FHIP2A: variants seen among roughly 807,000 people sequenced by gnomAD.
The protein encoded by FHIP2A is FHF complex subunit HOOK interacting protein 2A.
In FHIP2A, 46 loss-of-function variants were observed where a neutral mutation model predicts 93.5. The observed-to-expected ratio is 0.49, with a 90% CI of 0.39 to 0.63. FHIP2A has a LOEUF of 0.63. Ranked by LOEUF, FHIP2A falls within the 20% of genes least tolerant of loss-of-function variation. The pLI, the probability that FHIP2A is intolerant of heterozygous loss-of-function variation, is 0.00. For synonymous variants in FHIP2A, 332 were observed against 326.5 expected, an observed-to-expected ratio of 1.02 and a Z score of -0.18; for missense variants, 769 against 909.7, an observed-to-expected ratio of 0.85 and a Z score of 1.99.
At chr10:114,834,474 T>C (rs563401236) in intron 3 of FHIP2A, among the ~76,000 whole-genome samples, 13 of 152,336 alleles carry the variant, frequency 8.5e-5, no homozygotes, top group African/African-American at 2.6e-4. Context: ...AAGTATTTGC[T>C]AGCTTAAAAA....
At chr10:114,876,739 C>T (rs776149640) in intron 16 of FHIP2A, among the ~76,000 whole-genome samples, 2 of 152,126 alleles carry the variant, frequency 1.3e-5, no homozygotes, top group Non-Finnish European at 2.9e-5. Flanking sequence ...GCTCCTGGGG[C>T]CAGGGCTCAG....
intron 13 of FHIP2A, among the ~76,000 whole-genome samples, chr10:114,850,975 A>G (rs1323215527): frequency 2.0e-5 from 3 of 152,150 alleles, no homozygotes; most frequent in Non-Finnish European, 2.9e-5. Context: ...ATGCAGTGGC[A>G]TGATCTCGGC....
intron 14 of FHIP2A, among the ~76,000 whole-genome samples, chr10:114,859,572 A>G (rs1240883555): frequency 6.6e-6 from 1 of 152,184 alleles, no homozygotes; most frequent in African/African-American, 2.4e-5. Flanking sequence ...TGTTGCAACC[A>G]ATCCGTTTCC....
At chr10:114,896,421 G>C (rs2084001840) in intron 16 of FHIP2A, among the ~76,000 whole-genome samples, 1 of 152,122 alleles carries the variant, frequency 6.6e-6, no homozygotes, top group Non-Finnish European at 1.5e-5. Flanking sequence ...CAGGACTGTG[G>C]TCATGTGAAA....
chr10:114,895,948 C>G (rs534108454), intron 16 of FHIP2A, among the ~76,000 whole-genome samples: 1 of 152,290 alleles, frequency 6.6e-6, no homozygotes, highest in African/African-American at 2.4e-5. Flanking sequence ...TCTCATTACT[C>G]AGCCCCAAAT....
chr10:114,894,697 A>G (rs1434159401), intron 16 of FHIP2A, among the ~76,000 whole-genome samples: 16 of 152,322 alleles, frequency 1.1e-4, no homozygotes, highest in Non-Finnish European at 4.4e-5. Flanking sequence ...TTCAAAGCTT[A>G]TTATTAGTGG....
At chr10:114,882,326 C>T (rs1215219337) in intron 16 of FHIP2A, among the ~76,000 whole-genome samples, 2 of 152,292 alleles carry the variant, frequency 1.3e-5, no homozygotes, top group Admixed American at 6.5e-5. Flanking sequence ...ATGTGTGCTA[C>T]GCTCTGTGCC....
chr10:114,882,558 G>C (rs957832349), intron 16 of FHIP2A, among the ~76,000 whole-genome samples: 9 of 152,274 alleles, frequency 5.9e-5, no homozygotes, highest in Non-Finnish European at 1.2e-4. Context: ...GGGCAAGGTG[G>C]CTCGCACCTG....
chr10:114,865,580 T>C (rs140694849), downstream of FHIP2A, among the ~76,000 whole-genome samples: 2 of 151,970 alleles, frequency 1.3e-5, no homozygotes, highest in African/African-American at 4.8e-5. Context: ...CATTGAAGAG[T>C]TGAAATCACC....
At chr10:114,885,987 C>A (rs185034809) in intron 16 of FHIP2A, among the ~76,000 whole-genome samples, 1 of 152,144 alleles carries the variant, frequency 6.6e-6, no homozygotes, top group Non-Finnish European at 1.5e-5. Flanking sequence ...TCCCTTAAAG[C>A]GGCTTCTCAG....
chr10:114,836,347 G>T, intron 5 of FHIP2A, 101 bp downstream of exon 5: 2 of 931,344 alleles, frequency 2.1e-6, no homozygotes, highest in Non-Finnish European at 3.2e-6. Context: ...TGTTTTGCAG[G>T]TTATTAGCTT....
chr10:114,846,148 C>G (rs550193997), intron 9 of FHIP2A, 27 bp from the exon 10 acceptor site: 3 of 1,612,578 alleles, frequency 1.9e-6, no homozygotes, highest in South Asian at 1.1e-5. Context: ...TATTTTTGCC[C>G]ACTGACTACC....
intron 16 of FHIP2A, among the ~76,000 whole-genome samples, chr10:114,873,804 T>G (rs1045101675): frequency 5.3e-5 from 8 of 152,310 alleles, no homozygotes; most frequent in African/African-American, 1.9e-4. Context: ...TTCTTTTTGT[T>G]TTTTAGTACT....
Position 114,830,926 on chromosome 10 carries a change from T to G in FHIP2A, c.120T>G (p.Thr40=). The G allele has an allele frequency of 6.3e-7, 1 of 1,581,982 alleles. No homozygotes were observed. Among genetic ancestry groups the G allele is most frequent in the Non-Finnish European group, 8.6e-7 (1 of 1,160,560 alleles). ...CAATTACCCATTACTACATAGAGAC[T>G]TCAGGTAAGGAACAATGCTGATATT... ...WKAITHYYIE[T]SDDKAPVTDT... is the part of the protein sequence containing the mutation. Residue 40 remains threonine, a synonymous_variant, in exon 2 of 17, where the codon ACT becomes ACG. Coordinates refer to ENST00000369248, the MANE Select transcript of FHIP2A (RefSeq NM_020940.4).
In FHIP2A at chr10:114,845,397, T is replaced by C. The variant is rs1236326160; in HGVS notation, c.1044T>C (p.Ala348=). 3.1e-6 allele frequency: 5 copies of C among 1,613,026 alleles called. No homozygotes were observed. The South Asian group carries it at 3.3e-5, about 11-fold the overall frequency. The change falls in exon 8 of 17, where the codon GCT becomes GCC. Residue 348 remains alanine, a synonymous_variant. Transcript: ENST00000369248. ...GLDSYSHKED[A]SAFPGKRALI... ...ACTCATATAGTCATAAAGAAGATGC[T>C]TCAGCATTTCCAGGAAAACGAGCCT...
intron 11 of FHIP2A, 145 bp downstream of exon 11, chr10:114,846,873 T>G: frequency 2.5e-6 from 2 of 788,788 alleles, no homozygotes; most frequent in South Asian, 4.0e-5. Flanking sequence ...GCATTGATAC[T>G]ACCATCCTTT....
At chr10:114,853,791 G>A (rs2083750338) in intron 13 of FHIP2A, among the ~76,000 whole-genome samples, 1 of 152,114 alleles carries the variant, frequency 6.6e-6, no homozygotes, top group Admixed American at 6.5e-5. Flanking sequence ...TTGAGGTCAG[G>A]AGCTGGAGAC....
Position 114,843,730 on chromosome 10 carries a change from T to C in FHIP2A, c.817-11T>C. The C allele has an allele frequency of 6.7e-7, 1 of 1,496,370 alleles. No homozygotes were observed. Among genetic ancestry groups the C allele is most frequent in the Admixed American group, 2.5e-5 (1 of 39,308 alleles). 92.7% of individuals were successfully genotyped at this position (1,496,370 alleles called of 1,614,324 possible). A position where few individuals can be genotyped will look rare whatever the true frequency, so the allele number is the denominator to read the frequency against. On this transcript the variant is annotated splice_polypyrimidine_tract_variant and intron_variant, in intron 6 of 16. Transcript: ENST00000369248. The stretch of plus-strand genomic sequence containing the variant: ...ATTCAAGAATTGAAGGGGGATTTTT[T>C]TTTCCTTTAGGATGGCAGAATAGCT...
At chr10:114,879,331 C>G (rs1344368855) in intron 16 of FHIP2A, among the ~76,000 whole-genome samples, 2 of 152,098 alleles carry the variant, frequency 1.3e-5, no homozygotes, top group Non-Finnish European at 2.9e-5. Flanking sequence ...TCCTTTAATC[C>G]CTATTTTACC....
Sources: gnomAD v4.1 joint callset for allele counts (sites outside exome capture counted in the v4.1 genomes callset) on GRCh38, gnomAD v4.1.1 for gene constraint, MANE v1.5 for transcripts, NCBI Gene and HGNC (gene_info 2026-07-23, HGNC 2026-07-21) for gene names.